MUC5AC: variants seen among roughly 807,000 people sequenced by gnomAD.
MUC5AC encodes the protein mucin-5AC.
MUC5AC carries 158 observed loss-of-function variants against 169.7 expected under a neutral mutation model. The observed-to-expected ratio is 0.93, with a 90% CI of 0.82 to 1.06. The LOEUF (loss-of-function observed/expected upper bound fraction) is 1.06, where lower values mean the gene tolerates loss of function less well. Among genes scored for constraint, MUC5AC ranks in the 50% least tolerant of loss-of-function variants. MUC5AC has a pLI of 0.00. For synonymous variants in MUC5AC, 1,975 were observed against 1,237.0 expected, an observed-to-expected ratio of 1.60 and a Z score of -12.52; for missense variants, 4,359 against 3,089.9, an observed-to-expected ratio of 1.41 and a Z score of -9.74.
rs908102856 is a variant in MUC5AC at position 1,192,363 on chromosome 11, G to A, written c.14218G>A (p.Gly4740Arg). ...CCCGGTGACCTCTGTGACCCCATAT[G>A]GGACTTCTCCTACCAATGCTCTGTA... is the stretch of plus-strand genomic sequence containing the variant. ...GCPVTSVTPY[G>R]TSPTNALYPS... The change falls in exon 31 of 49, where the codon GGG becomes AGG. Residue 4740 changes from glycine (G) to arginine (R), a missense_variant. By Grantham distance (125) the Gly-to-Arg change is moderately radical. Coordinates refer to ENST00000621226, the MANE Select transcript of MUC5AC (RefSeq NM_001304359.2). 5.2e-6 allele frequency: 4 copies of A among 764,956 alleles called. No individual in the cohort carries two copies. Among genetic ancestry groups the A allele is most frequent in the Admixed American group, 3.4e-5 (2 of 59,014 alleles). The allele number at this position is 764,956 out of a possible 1,614,324, so 47.4% of individuals were successfully genotyped here.
At chr11:1,173,644 T>G (rs1457220790) in intron 16 of MUC5AC, among the ~76,000 whole-genome samples, 1 of 150,632 alleles carries the variant, frequency 6.6e-6, no homozygotes, top group Non-Finnish European at 1.5e-5. Context: ...ACTCATCCAC[T>G]CACTGATTCC....
chr11:1,193,385 C>T (rs75693630), intron 32 of MUC5AC, 100 bp from the exon 33 acceptor site: 13 of 633,596 alleles, frequency 2.1e-5, no homozygotes, highest in Non-Finnish European at 3.2e-5. Flanking sequence ...CCACCCTCCC[C>T]TGTCCCCACA....
In MUC5AC at chr11:1,188,132, C is replaced by A; in HGVS notation, c.9987C>A (p.Thr3329=). Residue 3329 remains threonine, a synonymous_variant, in exon 31 of 49, where the codon ACC becomes ACA. Transcript: ENST00000621226. ...CCETPKGCPV[T]STPVTAPSTP... ...AGACCCCTAAAGGTTGCCCCGTGACCTCCACACCTGTGACAGCTCCTAGCA... is the reference window on the plus strand; with the variant it reads ...AGACCCCTAAAGGTTGCCCCGTGACATCCACACCTGTGACAGCTCCTAGCA... 3 of 727,656 alleles carry A rather than the reference C, an allele frequency of 4.1e-6. No homozygotes were observed. Among genetic ancestry groups the A allele is most frequent in the African/African-American group, 3.4e-5 (2 of 58,330 alleles). The allele number at this position is 727,656 out of a possible 1,614,324, so 45.1% of individuals were successfully genotyped here. A position where few individuals can be genotyped will look rare whatever the true frequency, so the allele number is the denominator to read the frequency against.
chr11:1,174,988 T>C lies in MUC5AC; in HGVS notation c.2199T>C (p.Val733=). The C allele has an allele frequency of 2.5e-6, 1 of 406,786 alleles. No homozygotes were observed. The highest frequency in any genetic ancestry group is 4.3e-6 in the Non-Finnish European group (1 of 231,064). The allele number at this position is 406,786 out of a possible 1,614,324, so 25.2% of individuals were successfully genotyped here. A position where few individuals can be genotyped will look rare whatever the true frequency, so the allele number is the denominator to read the frequency against. The change falls in exon 18 of 49, where the codon GTT becomes GTC. Residue 733 remains valine (V), a synonymous_variant. Transcript: ENST00000621226. The part of the protein sequence containing the change: ...SLSEGDITCS[V]GFIPVDGCIC... ...GCGAGGGGGACATCACCTGCAGTGT[T>C]GGCTTCATCCCCGTGGATGGCTGCA...
chr11:1,159,158 G>A (rs933540118), intron 1 of MUC5AC, among the ~76,000 whole-genome samples: 2 of 152,168 alleles, frequency 1.3e-5, no homozygotes, highest in Admixed American at 6.5e-5. Flanking sequence ...GCCCACTGAC[G>A]GATTTGATGC....
Position 1,165,400 on chromosome 11 carries a change from T to C in MUC5AC, c.1228T>C (p.Ser410Pro). 6.2e-7 allele frequency: 1 copy of C among 1,611,816 alleles called. No homozygotes were observed. Among genetic ancestry groups the C allele is most frequent in the South Asian group, 1.1e-5 (1 of 91,026 alleles). The change falls in exon 10 of 49, where the codon TCC becomes CCC. Residue 410 changes from serine (S) to proline (P), a missense_variant. Ser to Pro is a moderately conservative substitution (Grantham distance 74, BLOSUM62 -1). Coordinates refer to ENST00000621226, the MANE Select transcript of MUC5AC (RefSeq NM_001304359.2). ...GAAYAPGATY[S>P]TDCTNCTCSG... ...TGCCTATGCCCCAGGGGCCACCTAC[T>C]CCACAGACTGCACCAACTGGTAGGT...
chr11:1,182,168 G>A lies in MUC5AC; in HGVS notation c.4023G>A (p.Thr1341=), dbSNP rs2133751945. 2 of 398,618 alleles carry A rather than the reference G, an allele frequency of 5.0e-6. No individual in the cohort carries two copies. Among genetic ancestry groups the A allele is most frequent in the Admixed American group, 4.4e-5 (1 of 22,732 alleles). 24.7% of individuals were successfully genotyped at this position (398,618 alleles called of 1,614,324 possible). ...TTCTGCCCACAGTCGTGAGCTCCAC[G>A]CACACCCCCAGCAATGGCCCAAGCA... The part of the protein sequence containing the change: ...FSTPPLVVSS[T]HTPSNGPSSA... The change falls in exon 31 of 49, where the codon ACG becomes ACA. Residue 1341 remains threonine, a synonymous_variant. Coordinates refer to ENST00000621226, the MANE Select transcript of MUC5AC (RefSeq NM_001304359.2).
chr11:1,198,243 C>T (rs934812214), intron 42 of MUC5AC, 25 bp from the exon 43 acceptor site: 2 of 745,482 alleles, frequency 2.7e-6, no homozygotes, highest in Admixed American at 1.8e-5. Flanking sequence ...GCGGGGGGTG[C>T]AGCTGCTTGT....
Position 1,168,086 on chromosome 11 carries a change from G to A in MUC5AC, c.1497+99G>A, listed in dbSNP as rs541220831. ...AAGCCCTTCATCCCTGGCATGAACA[G>A]CGAGAGGCGGGGACCCTCTGGCAAC... On this transcript the variant is annotated intron_variant, in intron 12 of 48. Transcript: ENST00000621226. 3.2e-5 allele frequency: 33 copies of A among 1,042,266 alleles called. No homozygotes were observed. The African/African-American group carries it at 4.2e-4, about 13-fold the overall frequency. 64.6% of individuals were successfully genotyped at this position (1,042,266 alleles called of 1,614,324 possible). A position where few individuals can be genotyped will look rare whatever the true frequency, so the allele number is the denominator to read the frequency against.
In MUC5AC at chr11:1,176,525, G is replaced by A. The variant is rs879250989; in HGVS notation, c.2514G>A (p.Gln838=). The A allele has an allele frequency of 0.27, 108,113 of 399,372 alleles. 17,431 individuals carry two copies. Among genetic ancestry groups the A allele is most frequent in the African/African-American group, 0.55 (26,709 of 48,694 alleles). The allele number at this position is 399,372 out of a possible 1,614,324, so 24.7% of individuals were successfully genotyped here. Residue 838 remains glutamine (Q), a synonymous_variant, in exon 21 of 49, where the codon CAG becomes CAA. Transcript: ENST00000621226. ...HTLDMTCYSP[Q]CVPGCVCPDG... is the part of the protein sequence containing the mutation. ...TGCTGGCCCTGCAGTACAGCCCCCA[G>A]TGTGTGCCTGGCTGCGTGTGCCCCG...
chr11:1,196,037 G>A lies in MUC5AC; in HGVS notation c.15620G>A (p.Arg5207Gln), dbSNP rs372734120. The change falls in exon 37 of 49, where the codon CGG becomes CAG. Residue 5207 changes from arginine to glutamine, a missense_variant. Physicochemically the swap from Arg to Gln is conservative, Grantham distance 43. Transcript: ENST00000621226. ...GACATCTGCATCGATTGGAGAGGCC[G>A]GACCGGCCACATGTGCCGTGAGTGC... ...SHDICIDWRGRTGHMCPFTCP... is the reference protein window; with the variant it reads ...SHDICIDWRGQTGHMCPFTCP... 241 of 764,464 alleles carry A rather than the reference G, an allele frequency of 3.2e-4. 2 individuals carry two copies. Among genetic ancestry groups the A allele is most frequent in the Non-Finnish European group, 2.5e-4 (104 of 417,610 alleles). 47.4% of individuals were successfully genotyped at this position (764,464 alleles called of 1,614,324 possible).
At chr11:1,182,041 C>T (rs954555467) in intron 30 of MUC5AC, 114 bp from the exon 31 acceptor site, 3 of 398,366 alleles carry the variant, frequency 7.5e-6, no homozygotes, top group Non-Finnish European at 1.3e-5. Flanking sequence ...CGGGTGGGGA[C>T]AGGAAGACAG....
At chr11:1,159,927 T>C (rs1860087995) in intron 1 of MUC5AC, among the ~76,000 whole-genome samples, 1 of 127,316 alleles carries the variant, frequency 7.9e-6, no homozygotes, top group Non-Finnish European at 1.6e-5. Flanking sequence ...CGACGGGCTG[T>C]GCGGGGCTGT....
chr11:1,161,780 G>A, intron 3 of MUC5AC, 127 bp from the exon 4 acceptor site: 1 of 1,406,572 alleles, frequency 7.1e-7, no homozygotes, highest in Non-Finnish European at 9.5e-7. Flanking sequence ...ACCCCTGGGT[G>A]CCCCGTCCAG....
chr11:1,175,932 C>G (rs1325996102), intron 19 of MUC5AC, among the ~76,000 whole-genome samples: 3 of 102,010 alleles, frequency 2.9e-5, no homozygotes, highest in Non-Finnish European at 6.9e-5. Context: ...TGCACACACA[C>G]TCATACTCAT....
intron 35 of MUC5AC, 132 bp from the exon 36 acceptor site, chr11:1,194,880 G>A (rs369041319): frequency 3.2e-6 from 2 of 619,974 alleles, no homozygotes; most frequent in African/African-American, 1.8e-5. Flanking sequence ...TCGGGGGACA[G>A]TGAGGCACAG....
rs181986935 is a variant in MUC5AC at position 1,193,198 on chromosome 11, C to T, written c.14580+216C>T. 3.7e-3 allele frequency among the ~76,000 whole-genome samples: 558 copies of T among 152,322 alleles called. 6 individuals are homozygous for T. The highest frequency in any genetic ancestry group is 0.013 in the African/African-American group (537 of 41,576). ...TTTCCAGACACTGGGTGTGTGGGGC[C>T]GAAGGCTGAGGCTGTGCTGAGGACA... On this transcript the variant is annotated intron_variant, in intron 32 of 48. Coordinates refer to ENST00000621226, the MANE Select transcript of MUC5AC (RefSeq NM_001304359.2).
intron 25 of MUC5AC, 116 bp downstream of exon 25, chr11:1,178,799 C>T (rs1241348469): frequency 2.8e-5 from 14 of 497,866 alleles, no homozygotes; most frequent in Non-Finnish European, 4.5e-5. Flanking sequence ...AGGGTGTGGG[C>T]TGCTGGGACT....
At chr11:1,164,600 C>A in intron 9 of MUC5AC, 68 bp downstream of exon 9, 1 of 1,518,126 alleles carries the variant, frequency 6.6e-7, no homozygotes. Context: ...CTCCCATGGC[C>A]AAGCCTCGGA....
Sources: allele counts gnomAD v4.1 joint callset (sites outside exome capture counted in the v4.1 genomes callset), GRCh38; gene constraint gnomAD v4.1.1; transcripts MANE v1.5; gene names NCBI Gene and HGNC (gene_info 2026-07-23, HGNC 2026-07-21).